POLA1: variants seen among roughly 807,000 people sequenced by gnomAD.
POLA1 encodes the protein DNA polymerase alpha 1, catalytic subunit.
POLA1 carries 15 observed loss-of-function variants against 124.0 expected under a neutral mutation model. The observed-to-expected ratio is 0.12, with a 90% confidence interval of 0.08 to 0.19. POLA1 has a LOEUF of 0.19. Among genes scored for constraint, POLA1 ranks in the 10% least tolerant of loss-of-function variants. The probability of loss-of-function intolerance (pLI) is 1.00; values close to 1 mark genes in which losing one functional copy is unlikely to be tolerated. For missense variants in POLA1, 886 were observed against 1,103.4 expected (o/e 0.80, Z 2.79); for synonymous variants, 408 against 389.4 (o/e 1.05, Z -0.56).
chrX:24,694,859 T>C (rs1214670307), intron 1 of POLA1, among the ~76,000 whole-genome samples: 1 of 112,295 alleles, frequency 8.9e-6, no homozygotes, highest in East Asian at 2.8e-4. Context: ...CTAATCAGCT[T>C]CCTTTGCATT....
chrX:24,799,815 A>T (rs1313148429), intron 26 of POLA1, among the ~76,000 whole-genome samples: 1 of 111,621 alleles, frequency 9.0e-6, no homozygotes, highest in Non-Finnish European at 1.9e-5. Context: ...CCATTAACCT[A>T]ATGGGTGGGT....
intron 34 of POLA1, among the ~76,000 whole-genome samples, chrX:24,868,404 C>G (rs1021276189): frequency 4.1e-4 from 46 of 111,754 alleles, no homozygotes; most frequent in Non-Finnish European, 4.3e-4. Context: ...CTCGGGTAGC[C>G]AGAGTATTCT....
chrX:24,710,888 A>C (rs1418068466), intron 4 of POLA1, among the ~76,000 whole-genome samples: 4 of 109,104 alleles, frequency 3.7e-5, no homozygotes, highest in Non-Finnish European at 1.9e-5. Flanking sequence ...CTGGTTTCGA[A>C]CTCCTGACCT....
At chrX:24,736,529 T>C in intron 18 of POLA1, among the ~76,000 whole-genome samples, 1 of 111,948 alleles carries the variant, frequency 8.9e-6, no homozygotes, top group East Asian at 2.8e-4. Flanking sequence ...GTGAGAAATC[T>C]AGATGTAAGA....
intron 35 of POLA1, among the ~76,000 whole-genome samples, chrX:24,917,081 A>G (rs903514029): frequency 4.8e-4 from 54 of 111,411 alleles, no homozygotes; most frequent in African/African-American, 1.7e-3. Context: ...AGGCGGGTGG[A>G]TCACTTGCGA....
At chrX:24,934,902 T>C (rs1363765005) in intron 36 of POLA1, among the ~76,000 whole-genome samples, 2 of 111,764 alleles carry the variant, frequency 1.8e-5, no homozygotes, top group African/African-American at 6.5e-5. Flanking sequence ...TTTGTATTTT[T>C]AGTAGAGATG....
intron 35 of POLA1, among the ~76,000 whole-genome samples, chrX:24,912,516 T>G (rs1209285949): frequency 1.8e-5 from 2 of 111,260 alleles, no homozygotes; most frequent in Non-Finnish European, 3.8e-5. Flanking sequence ...AACTCAACAG[T>G]AAAACAAGCA....
At chrX:24,757,730 C>T (rs1051069832) in intron 26 of POLA1, among the ~76,000 whole-genome samples, 16 of 111,011 alleles carry the variant, frequency 1.4e-4, no homozygotes, top group Non-Finnish European at 1.9e-4. Context: ...TGAGCCACCG[C>T]GCCCAGCCCA....
chrX:24,808,363 C>G (rs753232597), intron 26 of POLA1, among the ~76,000 whole-genome samples: 1 of 112,022 alleles, frequency 8.9e-6, no homozygotes, highest in Non-Finnish European at 1.9e-5. Context: ...ATTCTCCTTA[C>G]GTTTAATTGG....
intron 32 of POLA1, among the ~76,000 whole-genome samples, chrX:24,840,328 G>A (rs1040575517): frequency 8.9e-6 from 1 of 112,162 alleles, no homozygotes; most frequent in African/African-American, 3.2e-5. Flanking sequence ...TTTAGTGCTT[G>A]CCACGCAGTA....
intron 36 of POLA1, among the ~76,000 whole-genome samples, chrX:24,947,717 A>T (rs2047985031): frequency 1.8e-5 from 2 of 112,125 alleles, no homozygotes; most frequent in Admixed American, 1.9e-4. Context: ...AACCGCTAAG[A>T]GACTTTCAGA....
At chrX:24,759,420 T>C (rs1044377683) in intron 26 of POLA1, among the ~76,000 whole-genome samples, 2 of 112,173 alleles carry the variant, frequency 1.8e-5, no homozygotes, top group African/African-American at 6.5e-5. Flanking sequence ...CCCTAAGCCC[T>C]GTGCTCTACA....
At chrX:24,979,241 TTGAC>T (rs2048396798) in intron 36 of POLA1, among the ~76,000 whole-genome samples, 1 of 112,228 alleles carries the variant, frequency 8.9e-6, no homozygotes, top group Non-Finnish European at 1.9e-5. Flanking sequence ...AGGTTAAAAT[TTGAC>T]TGACCTATTC....
intron 34 of POLA1, among the ~76,000 whole-genome samples, chrX:24,866,004 T>G (rs965913792): frequency 1.4e-4 from 16 of 111,937 alleles, no homozygotes; most frequent in Admixed American, 6.6e-4. Context: ...CTGGGGTTTC[T>G]TCTTATCAAC....
At chrX:24,744,408 C>A (rs1021998901) in intron 23 of POLA1, 2 of 309,553 alleles carry the variant, frequency 6.5e-6, no homozygotes. Flanking sequence ...AATAAACTAT[C>A]CTATATGTTT....
At chrX:24,958,267 A>G (rs766870669) in intron 36 of POLA1, among the ~76,000 whole-genome samples, 1 of 111,447 alleles carries the variant, frequency 9.0e-6, no homozygotes, top group East Asian at 2.8e-4. Flanking sequence ...CCCTGCTCCC[A>G]CTTCTCCTTT....
chrX:24,956,906 C>G (rs1481973793), intron 36 of POLA1, among the ~76,000 whole-genome samples: 3 of 111,935 alleles, frequency 2.7e-5, no homozygotes, highest in Non-Finnish European at 5.6e-5. Flanking sequence ...AGGAGAGAAG[C>G]AAGTAGCAGC....
At chrX:24,934,310 A>G (rs1482336298) in intron 36 of POLA1, among the ~76,000 whole-genome samples, 2 of 112,304 alleles carry the variant, frequency 1.8e-5, no homozygotes, top group Non-Finnish European at 3.8e-5. Context: ...GTGTTGAGTG[A>G]CATTCCTCAT....
chrX:24,855,277 G>A (rs899886358), intron 34 of POLA1, among the ~76,000 whole-genome samples: 2 of 111,510 alleles, frequency 1.8e-5, no homozygotes, highest in African/African-American at 6.5e-5. Flanking sequence ...TTTGCATTTT[G>A]CAAATTTATT....
Sources: allele counts gnomAD v4.1 joint callset (sites outside exome capture counted in the v4.1 genomes callset), GRCh38; gene constraint gnomAD v4.1.1; transcripts MANE v1.5; gene names NCBI Gene and HGNC (gene_info 2026-07-23, HGNC 2026-07-21).